The following EYA4 variants were observed in gnomAD, a reference collection of about 807,000 sequenced individuals.
The protein encoded by EYA4 is EYA transcriptional coactivator and phosphatase 4.
A neutral mutation model predicts 87.9 loss-of-function variants in EYA4; 31 were observed. The ratio of observed to expected loss-of-function variants is 0.35; its 90% CI spans 0.27 to 0.48. The LOEUF (loss-of-function observed/expected upper bound fraction) is 0.48. Among genes scored for constraint, EYA4 ranks in the 20% least tolerant of loss-of-function variants. The probability of loss-of-function intolerance (pLI) is 0.99; values close to 1 mark genes in which losing one functional copy is unlikely to be tolerated. For synonymous variants in EYA4, 263 were observed against 270.6 expected (o/e 0.97, Z 0.28); for missense variants, 678 against 761.4 (o/e 0.89, Z 1.29).
At chr6:133,484,353 C>G (rs1288804229) in intron 13 of EYA4, among the ~76,000 whole-genome samples, 2 of 152,112 alleles carry the variant, frequency 1.3e-5, no homozygotes, top group African/African-American at 4.8e-5. Flanking sequence ...CTATATTAAG[C>G]TATATTAAGC....
At chr6:133,430,019 C>T (rs1432483743) in intron 3 of EYA4, among the ~76,000 whole-genome samples, 1 of 152,180 alleles carries the variant, frequency 6.6e-6, no homozygotes, top group Non-Finnish European at 1.5e-5. Context: ...TTGCCCCTCC[C>T]TCCTTCCCAC....
At chr6:133,399,430 G>T (rs578003720) in intron 3 of EYA4, among the ~76,000 whole-genome samples, 1 of 152,220 alleles carries the variant, frequency 6.6e-6, no homozygotes, top group African/African-American at 2.4e-5. Flanking sequence ...GATGTGTGGT[G>T]TAGAAAGGTG....
At chr6:133,299,803 C>T (rs1254579671) in intron 2 of EYA4, among the ~76,000 whole-genome samples, 1 of 151,236 alleles carries the variant, frequency 6.6e-6, no homozygotes, top group Non-Finnish European at 1.5e-5. Flanking sequence ...TTATCCTTCA[C>T]AATAGCACTG....
Position 133,512,715 on chromosome 6 carries a change from T to C in EYA4, c.1282-6T>C. On this transcript the variant is annotated splice_region_variant and splice_polypyrimidine_tract_variant and intron_variant, in intron 14 of 19. Transcript: ENST00000355286. Reference sequence around the variant, plus strand: ...AAACAAATAACTTTTCCAATGTTTTTAACAGGAGTGTGATCAAGTTCATAT... The same window carrying C: ...AAACAAATAACTTTTCCAATGTTTTCAACAGGAGTGTGATCAAGTTCATAT... The C allele has an allele frequency of 6.2e-7, 1 of 1,607,908 alleles. No homozygotes were observed. Among genetic ancestry groups the C allele is most frequent in the Non-Finnish European group, 8.5e-7 (1 of 1,174,332 alleles).
intron 13 of EYA4, among the ~76,000 whole-genome samples, chr6:133,485,014 C>T (rs1796567227): frequency 6.6e-6 from 1 of 152,194 alleles, no homozygotes; most frequent in African/African-American, 2.4e-5. Context: ...AAAACTGTCA[C>T]TGTATATATT....
chr6:133,288,694 G>A (rs181233139), intron 2 of EYA4, among the ~76,000 whole-genome samples: 1 of 152,282 alleles, frequency 6.6e-6, no homozygotes, highest in East Asian at 1.9e-4. Flanking sequence ...GCAGAAGGAT[G>A]AAGATAAACA....
At chr6:133,494,918 G>T (rs1797503764) in intron 13 of EYA4, among the ~76,000 whole-genome samples, 3 of 152,032 alleles carry the variant, frequency 2.0e-5, no homozygotes, top group African/African-American at 7.2e-5. Context: ...AGCACTTGAG[G>T]TGATGGATAC....
intron 4 of EYA4, among the ~76,000 whole-genome samples, chr6:133,447,454 G>A (rs1792966006): frequency 6.6e-6 from 1 of 152,016 alleles, no homozygotes; most frequent in South Asian, 2.1e-4. Context: ...TAGAGATTAT[G>A]TATACACTTA....
chr6:133,276,843 A>G (rs1030321548), intron 2 of EYA4, among the ~76,000 whole-genome samples: 11 of 151,990 alleles, frequency 7.2e-5, no homozygotes, highest in African/African-American at 2.7e-4. Flanking sequence ...CTCTCTCCAT[A>G]ACATCGACGT....
chr6:133,419,753 A>G (rs1790059951), intron 3 of EYA4, among the ~76,000 whole-genome samples: 1 of 152,212 alleles, frequency 6.6e-6, no homozygotes, highest in South Asian at 2.1e-4. Flanking sequence ...CAATGCAACA[A>G]TGCATCCAGC....
chr6:133,521,771 A>T (rs1583555250), intron 17 of EYA4, among the ~76,000 whole-genome samples: 2 of 57,402 alleles, frequency 3.5e-5, no homozygotes, highest in Admixed American at 2.1e-4. Flanking sequence ...TACACCATGG[A>T]ATACTATGCA....
chr6:133,469,848 T>A (rs1583371825), intron 11 of EYA4, among the ~76,000 whole-genome samples: 1 of 152,076 alleles, frequency 6.6e-6, no homozygotes, highest in East Asian at 1.9e-4. Context: ...AAAATTAGAT[T>A]TCAAAAAATT....
chr6:133,296,659 G>GA (rs991428910), intron 2 of EYA4, among the ~76,000 whole-genome samples: 11 of 151,428 alleles, frequency 7.3e-5, no homozygotes, highest in African/African-American at 2.2e-4. Context: ...GGGAAGATGG[G>GA]AAAAAAAAGA....
chr6:133,486,431 A>C (rs561584592), intron 13 of EYA4, among the ~76,000 whole-genome samples: 142 of 152,322 alleles, frequency 9.3e-4, no homozygotes, highest in Non-Finnish European at 1.7e-3. Context: ...ACCACAAACC[A>C]TAACTGAAAA....
chr6:133,281,617 AAACTTC>A (rs1167068072), intron 2 of EYA4, among the ~76,000 whole-genome samples: 6 of 136,384 alleles, frequency 4.4e-5, no homozygotes, highest in Admixed American at 7.8e-5. Flanking sequence ...ATTTTTTTTT[AAACTTC>A]AACTTAGTTT....
chr6:133,502,653 G>A (rs1451967010), intron 13 of EYA4: 1 of 152,130 alleles, frequency 6.6e-6, no homozygotes, highest in East Asian at 1.9e-4. Context: ...TGCTCACTTA[G>A]AATTAGCTGT....
At chr6:133,391,222 G>GTTTTTTTTT (rs531819011) in intron 3 of EYA4, among the ~76,000 whole-genome samples, 5 of 89,828 alleles carry the variant, frequency 5.6e-5, no homozygotes, top group Non-Finnish European at 8.0e-5. Flanking sequence ...TTTTGTTTTT[G>GTTTTTTTTT]TTTTTTTTTT....
At chr6:133,425,443 C>A (rs1304524581) in intron 3 of EYA4, among the ~76,000 whole-genome samples, 3 of 150,422 alleles carry the variant, frequency 2.0e-5, no homozygotes, top group Admixed American at 1.3e-4. Context: ...TGACACCCCC[C>A]CAACCTCGCC....
intron 3 of EYA4, among the ~76,000 whole-genome samples, chr6:133,415,913 G>A (rs967320823): frequency 2.6e-5 from 4 of 152,190 alleles, no homozygotes; most frequent in African/African-American, 7.2e-5. Flanking sequence ...AACATCACAA[G>A]CATTTAGTTT....
Sources: allele counts gnomAD v4.1 joint callset (sites outside exome capture counted in the v4.1 genomes callset), GRCh38; gene constraint gnomAD v4.1.1; transcripts MANE v1.5; gene names NCBI Gene and HGNC (gene_info 2026-07-23, HGNC 2026-07-21).